Variants in HERC4 observed in about 807,000 individuals in gnomAD.
HERC4 encodes the protein probable E3 ubiquitin-protein ligase HERC4.
In HERC4, 28 loss-of-function variants were observed where a neutral mutation model predicts 124.3. The observed-to-expected ratio is 0.23, with a 90% CI of 0.17 to 0.31. The LOEUF (loss-of-function observed/expected upper bound fraction) is 0.31, where lower values mean the gene tolerates loss of function less well. Among genes scored for constraint, HERC4 ranks in the 10% least tolerant of loss-of-function variants. The pLI is 1.00. For missense variants in HERC4, 713 were observed against 1,229.3 expected (o/e 0.58, Z 6.28); for synonymous variants, 407 against 421.5 (o/e 0.97, Z 0.42).
At chr10:67,984,266 T>TA (rs575949948) in intron 15 of HERC4, among the ~76,000 whole-genome samples, 323 of 146,820 alleles carry the variant, frequency 2.2e-3, no homozygotes, top group African/African-American at 7.6e-3. Flanking sequence ...CACGCCACTG[T>TA]ACTCCACCCT....
At chr10:68,051,370 A>T (rs1385298507) in intron 3 of HERC4, among the ~76,000 whole-genome samples, 1 of 142,970 alleles carries the variant, frequency 7.0e-6, no homozygotes, top group Admixed American at 7.0e-5. Context: ...TTTGAGACAG[A>T]GTCTCGCTCT....
chr10:67,925,259 T>C (rs898707549), intron 23 of HERC4, 72 bp from the exon 24 acceptor site: 9 of 831,064 alleles, frequency 1.1e-5, no homozygotes, highest in African/African-American at 8.6e-5. Context: ...AAAGCTAACA[T>C]GGTCCAGTAG....
intron 9 of HERC4, chr10:67,994,881 G>C (rs1198334340): frequency 6.1e-6 from 1 of 163,578 alleles, no homozygotes; most frequent in Non-Finnish European, 1.3e-5. Flanking sequence ...GTACAGATGG[G>C]GTTTCACCAT....
intron 24 of HERC4, 32 bp downstream of exon 24, chr10:67,925,053 C>T (rs369928682): frequency 1.7e-6 from 2 of 1,190,440 alleles, no homozygotes; most frequent in African/African-American, 3.0e-5. Flanking sequence ...ATTCCAGTCT[C>T]ATAAAGTATA....
intron 8 of HERC4, among the ~76,000 whole-genome samples, chr10:68,016,896 C>T (rs1221439199): frequency 2.0e-5 from 3 of 152,116 alleles, no homozygotes; most frequent in African/African-American, 7.2e-5. Flanking sequence ...ATTTTGGCTA[C>T]TAAGAATTAC....
At chr10:67,970,860 G>T (rs950339549) in intron 15 of HERC4, among the ~76,000 whole-genome samples, 3 of 148,254 alleles carry the variant, frequency 2.0e-5, no homozygotes, top group African/African-American at 7.5e-5. Flanking sequence ...TAAGAATCTA[G>T]AAAAAAAAAG....
chr10:67,983,800 A>C (rs1053372521), intron 15 of HERC4, among the ~76,000 whole-genome samples: 2 of 150,120 alleles, frequency 1.3e-5, no homozygotes, highest in Admixed American at 6.6e-5. Flanking sequence ...AAAAAAAAAA[A>C]AAAAATACAA....
chr10:68,073,130 C>T lies in HERC4; in HGVS notation c.-22G>A, dbSNP rs1360312539. The stretch of plus-strand genomic sequence containing the variant: ...ACATGCTTGTAATTATTTTGGTCTT[C>T]CAGTTTCAATAAAAAATTCTCTTCT... On this transcript the variant is annotated 5_prime_UTR_variant, in exon 3 of 25. Coordinates refer to ENST00000373700, the MANE Select transcript of HERC4 (RefSeq NM_015601.4). 6.3e-7 allele frequency: 1 copy of T among 1,589,936 alleles called. No homozygotes were observed. The highest frequency in any genetic ancestry group is 8.6e-7 in the Non-Finnish European group (1 of 1,167,128).
In HERC4 at chr10:68,033,945, T is replaced by C; in HGVS notation, c.685+20A>G. On this transcript the variant is annotated intron_variant, in intron 6 of 24. Transcript: ENST00000373700. The stretch of plus-strand genomic sequence containing the variant: ...TCTCTTTCAAAAAGTACACTTAAAC[T>C]ATACATAATGAGAACCTACCATTTT... 1.3e-6 allele frequency: 2 copies of C among 1,596,952 alleles called. No individual in the cohort carries two copies. Among genetic ancestry groups the C allele is most frequent in the Non-Finnish European group, 1.7e-6 (2 of 1,165,034 alleles).
intron 4 of HERC4, among the ~76,000 whole-genome samples, chr10:68,042,136 C>A (rs1434113044): frequency 6.6e-6 from 1 of 152,206 alleles, no homozygotes; most frequent in African/African-American, 2.4e-5. Context: ...CTGCCTCAGC[C>A]TCCTGAGTAG....
At position 67,932,617 on chromosome 10, in the gene HERC4, C is replaced by T; in HGVS notation, c.2818G>A (p.Asp940Asn). ...CCTACCTTTTCCAGTTCCTTCCAATCATAATTTGTATTTCCAATGACCATT... is the reference window on the plus strand; with the variant it reads ...CCTACCTTTTCCAGTTCCTTCCAATTATAATTTGTATTTCCAATGACCATT... ...QAMVIGNTNY[D>N]WKELEKNTEY... The change falls in exon 23 of 25, where the codon GAT becomes AAT. Residue 940 changes from aspartate to asparagine, a missense_variant. Asp to Asn is a conservative substitution (Grantham distance 23, BLOSUM62 1). Coordinates refer to ENST00000373700, the MANE Select transcript of HERC4 (RefSeq NM_015601.4). The T allele has an allele frequency of 6.2e-7, 1 of 1,609,966 alleles. No homozygotes were observed. The highest frequency in any genetic ancestry group is 1.1e-5 in the South Asian group (1 of 89,878).
chr10:68,066,145 T>C (rs1277849331), intron 3 of HERC4, among the ~76,000 whole-genome samples: 1 of 152,206 alleles, frequency 6.6e-6, no homozygotes, highest in African/African-American at 2.4e-5. Flanking sequence ...CTTTCATACA[T>C]ATCCCAAGCA....
intron 7 of HERC4, among the ~76,000 whole-genome samples, chr10:68,031,571 A>G (rs2133343076): frequency 6.6e-6 from 1 of 152,286 alleles, no homozygotes; most frequent in East Asian, 1.9e-4. Flanking sequence ...AGGTATAATA[A>G]TCCTTCCTTA....
At chr10:67,958,017 C>T (rs1006887545) in intron 16 of HERC4, among the ~76,000 whole-genome samples, 9 of 152,150 alleles carry the variant, frequency 5.9e-5, no homozygotes, top group Non-Finnish European at 1.0e-4. Flanking sequence ...CTAGGTTGGC[C>T]AGGCTAGTCT....
intron 15 of HERC4, among the ~76,000 whole-genome samples, chr10:67,967,560 T>C (rs1352457251): frequency 6.6e-6 from 1 of 152,102 alleles, no homozygotes; most frequent in African/African-American, 2.4e-5. Context: ...GGATGCAAAT[T>C]ACCACCCTAG....
intron 11 of HERC4, 126 bp downstream of exon 11, chr10:67,992,073 T>C: frequency 1.2e-6 from 1 of 817,138 alleles, no homozygotes; most frequent in Non-Finnish European, 1.9e-6. Flanking sequence ...TAATTGTATT[T>C]TTTTGTAGAG....
chr10:67,941,479 G>A (rs1008729861), intron 19 of HERC4, among the ~76,000 whole-genome samples: 1 of 151,492 alleles, frequency 6.6e-6, no homozygotes, highest in Non-Finnish European at 1.5e-5. Flanking sequence ...GGAAAACAAA[G>A]AAAAAACATA....
At chr10:68,003,734 C>T (rs996531179) in intron 9 of HERC4, among the ~76,000 whole-genome samples, 1 of 152,086 alleles carries the variant, frequency 6.6e-6, no homozygotes, top group African/African-American at 2.4e-5. Context: ...TGTATATATA[C>T]ACCACATTTT....
At position 68,018,227 on chromosome 10, in the gene HERC4, GA is replaced by G. The variant is rs1006495469; in HGVS notation, c.909-4042del. ...TCCAGAAACACAAAGCTGTTAACTA[GA>G]AAAAAAAAATCCATCAATATGCCAT... On this transcript the variant is annotated intron_variant, in intron 8 of 24. Coordinates refer to ENST00000373700, the MANE Select transcript of HERC4 (RefSeq NM_015601.4). Among the ~76,000 whole-genome samples, 81 of 134,710 alleles carry G rather than the reference GA, an allele frequency of 6.0e-4. No homozygotes were observed. In the East Asian group the frequency reaches 0.011, roughly 19 times the overall value. 88.4% of individuals were successfully genotyped at this position (134,710 alleles called of 152,430 possible). A position where few individuals can be genotyped will look rare whatever the true frequency, so the allele number is the denominator to read the frequency against.
Sources: allele counts gnomAD v4.1 joint callset (sites outside exome capture counted in the v4.1 genomes callset), GRCh38; gene constraint gnomAD v4.1.1; transcripts MANE v1.5; gene names NCBI Gene and HGNC (gene_info 2026-07-23, HGNC 2026-07-21).